RPTOR: variants seen among roughly 807,000 people sequenced by gnomAD.
RPTOR encodes regulatory-associated protein of mTOR.
RPTOR carries 21 observed loss-of-function variants against 169.9 expected under a neutral mutation model. The ratio of observed to expected loss-of-function variants is 0.12; its 90% confidence interval spans 0.09 to 0.18. The LOEUF is 0.18. Among genes scored for constraint, RPTOR ranks in the 10% least tolerant of loss-of-function variants. The pLI is 1.00. For missense variants in RPTOR, 1,133 were observed against 1,855.9 expected (o/e 0.61, Z 7.16); for synonymous variants, 732 against 753.2 (o/e 0.97, Z 0.46).
At chr17:80,790,322 G>A (rs2143490437) in intron 6 of RPTOR, among the ~76,000 whole-genome samples, 1 of 152,342 alleles carries the variant, frequency 6.6e-6, no homozygotes, top group South Asian at 2.1e-4. Flanking sequence ...CTTCCTCTCT[G>A]CTGGCTGAGC....
chr17:80,674,617 G>A (rs1381293025), intron 3 of RPTOR, among the ~76,000 whole-genome samples: 2 of 152,018 alleles, frequency 1.3e-5, no homozygotes, highest in African/African-American at 2.4e-5. Flanking sequence ...TTGCTTTGGA[G>A]TTTTCTGTAA....
intron 6 of RPTOR, among the ~76,000 whole-genome samples, chr17:80,785,613 CA>C (rs2066983366): frequency 6.6e-6 from 1 of 152,128 alleles, no homozygotes; most frequent in Admixed American, 6.5e-5. Flanking sequence ...TGGCAGCAGG[CA>C]GTTTCCGCGG....
chr17:80,826,509 A>G (rs1158197943), intron 9 of RPTOR, among the ~76,000 whole-genome samples: 1 of 152,268 alleles, frequency 6.6e-6, no homozygotes, highest in East Asian at 1.9e-4. Flanking sequence ...CACTGCCAGC[A>G]GCCAGGGCCT....
At chr17:80,681,023 G>A (rs1443611730) in intron 3 of RPTOR, among the ~76,000 whole-genome samples, 3 of 152,128 alleles carry the variant, frequency 2.0e-5, no homozygotes, top group African/African-American at 2.4e-5. Flanking sequence ...CAATACAGGG[G>A]AGACAGCCAC....
chr17:80,584,830 G>T (rs1278932588), intron 1 of RPTOR, among the ~76,000 whole-genome samples: 3 of 152,258 alleles, frequency 2.0e-5, no homozygotes, highest in African/African-American at 7.2e-5. Flanking sequence ...CGAGGCTGTG[G>T]TAGCTGGTGA....
At chr17:80,694,123 G>A (rs527529169) in intron 3 of RPTOR, among the ~76,000 whole-genome samples, 32 of 152,376 alleles carry the variant, frequency 2.1e-4, no homozygotes, top group Middle Eastern at 3.4e-3. Context: ...AGGCGGCTCT[G>A]ACATCTCAGC....
At chr17:80,774,344 A>G in intron 6 of RPTOR, 4 of 985,344 alleles carry the variant, frequency 4.1e-6, no homozygotes, top group Non-Finnish European at 4.8e-6. Context: ...GTTGAGTATG[A>G]ATTGTATCAT....
chr17:80,764,971 G>C (rs974390183), intron 6 of RPTOR, among the ~76,000 whole-genome samples: 1 of 152,230 alleles, frequency 6.6e-6, no homozygotes, highest in Non-Finnish European at 1.5e-5. Flanking sequence ...TTTGCTGTTT[G>C]TGGGGTGTAT....
chr17:80,748,217 G>C (rs59800178), intron 5 of RPTOR, among the ~76,000 whole-genome samples: 8 of 80,864 alleles, frequency 9.9e-5, no homozygotes, highest in Admixed American at 5.8e-4. Context: ...TGGCGGGAGG[G>C]CCTGTTGGGT....
Position 80,716,329 on chromosome 17 carries a change from T to C in RPTOR, c.507+8330T>C, listed in dbSNP as rs971337057. On this transcript the variant is annotated intron_variant, in intron 4 of 33. Transcript: ENST00000306801. ...GCATTTCCCTGATCATTAGTGATGTTGAGCATTTTTTCATATGTTTGTTGG... is the reference window on the plus strand; with the variant it reads ...GCATTTCCCTGATCATTAGTGATGTCGAGCATTTTTTCATATGTTTGTTGG... Among the ~76,000 whole-genome samples the C allele has an allele frequency of 2.0e-5, 3 of 152,238 alleles. No individual in the cohort carries two copies. The East Asian group carries it at 5.8e-4, about 29-fold the overall frequency.
At chr17:80,759,060 C>A (rs1394342307) in intron 6 of RPTOR, among the ~76,000 whole-genome samples, 1 of 151,700 alleles carries the variant, frequency 6.6e-6, no homozygotes, top group East Asian at 1.9e-4. Flanking sequence ...GCTGTGCACT[C>A]CCAAAGACGC....
rs1379886460 is a variant in RPTOR, at chr17:80,878,883, G to A, written c.1510-1532G>A. On this transcript the variant is annotated intron_variant, in intron 13 of 33. Transcript: ENST00000306801. This position sits in a 1 kb window ranked among gnomAD's most constrained non-coding sequence, Gnocchi z 4.1. The stretch of plus-strand genomic sequence containing the variant: ...GCCTGGTGTGGCTTCCGGTAACACT[G>A]CCAGCCTCAGAGCCGGCCTGTTTCC... 6.6e-6 allele frequency among the ~76,000 whole-genome samples: 1 copy of A among 152,152 alleles called. No individual in the cohort carries two copies. Among genetic ancestry groups the A allele is most frequent in the East Asian group, 1.9e-4 (1 of 5,192 alleles).
intron 1 of RPTOR, among the ~76,000 whole-genome samples, chr17:80,594,383 C>A (rs955472481): frequency 6.6e-6 from 1 of 152,124 alleles, no homozygotes; most frequent in Non-Finnish European, 1.5e-5. Flanking sequence ...TGAGCCACCA[C>A]GCCCGGCCGT....
chr17:80,924,328 C>T (rs942267403), intron 23 of RPTOR, among the ~76,000 whole-genome samples: 3 of 152,096 alleles, frequency 2.0e-5, no homozygotes, highest in African/African-American at 7.2e-5. Flanking sequence ...TCAGGGCGCA[C>T]CCAGCACACC....
intron 3 of RPTOR, among the ~76,000 whole-genome samples, chr17:80,666,785 C>G (rs1172726869): frequency 6.6e-6 from 1 of 152,152 alleles, no homozygotes. Flanking sequence ...GAGAACCCAC[C>G]TAAGGAGTGG....
At chr17:80,791,829 A>C (rs908832922) in intron 7 of RPTOR, among the ~76,000 whole-genome samples, 4 of 152,202 alleles carry the variant, frequency 2.6e-5, no homozygotes, top group African/African-American at 9.7e-5. Context: ...CTGCCACTGA[A>C]ATGATAGCTA....
chr17:80,890,621 C>T (rs11870045), intron 17 of RPTOR, among the ~76,000 whole-genome samples: 58,378 of 152,024 alleles, frequency 0.38, 12,037 homozygotes, highest in East Asian at 0.48. Context: ...ATCAAGAGGG[C>T]GCTGCAGGCT....
At chr17:80,885,269 G>A in intron 17 of RPTOR, 121 bp downstream of exon 17, 1 of 1,141,542 alleles carries the variant, frequency 8.8e-7, no homozygotes, top group Non-Finnish European at 1.2e-6. Context: ...GCGTGTCATT[G>A]CGAGAGCAGA....
chr17:80,848,647 T>C (rs1718014275), intron 11 of RPTOR, among the ~76,000 whole-genome samples: 1 of 152,252 alleles, frequency 6.6e-6, no homozygotes, highest in African/African-American at 2.4e-5. Context: ...CTGTTGGTCA[T>C]CTGGGTTACC....
Sources: gnomAD v4.1 joint callset for allele counts (sites outside exome capture counted in the v4.1 genomes callset) on GRCh38, gnomAD v4.1.1 for gene constraint, Gnocchi (gnomAD v3.1) non-coding constraint, MANE v1.5 for transcripts, NCBI Gene and HGNC (gene_info 2026-07-23, HGNC 2026-07-21) for gene names.